The following SLC13A5 variants were observed in gnomAD, a reference collection of about 807,000 sequenced individuals.
SLC13A5 encodes the protein Na(+)/citrate cotransporter.
SLC13A5 carries 25 observed loss-of-function variants against 56.5 expected under a neutral mutation model. The observed-to-expected ratio is 0.44, with a 90% confidence interval of 0.32 to 0.62. SLC13A5 has a LOEUF of 0.62. Among genes scored for constraint, SLC13A5 ranks in the 20% least tolerant of loss-of-function variants. The probability of loss-of-function intolerance (pLI) is 0.04; values close to 1 mark genes in which losing one functional copy is unlikely to be tolerated. For synonymous variants in SLC13A5, 307 were observed against 301.5 expected (o/e 1.02, Z -0.19); for missense variants, 649 against 737.8 (o/e 0.88, Z 1.39).
rs894084232 is a variant in SLC13A5 at position 6,694,116 on chromosome 17, G to A, written c.1137C>T (p.Phe379=). The A allele has an allele frequency of 1.9e-6, 3 of 1,613,344 alleles. No individual in the cohort carries two copies. Among genetic ancestry groups the A allele is most frequent in the South Asian group, 1.1e-5 (1 of 90,940 alleles). Reference sequence around the variant, plus strand: ...ACTTACCTTCCTCAGTCTGGCTGCGGAAGTTAAACTTGGGCTTCTGTGAAG... The same window carrying A: ...ACTTACCTTCCTCAGTCTGGCTGCGAAAGTTAAACTTGGGCTTCTGTGAAG... The part of the protein sequence containing the change: ...IVPSQKPKFN[F]RSQTEEERKT... Residue 379 remains phenylalanine (F), a synonymous_variant, in exon 8 of 12, where the codon TTC becomes TTT. Coordinates refer to ENST00000433363, the MANE Select transcript of SLC13A5 (RefSeq NM_177550.5).
rs370078806 is a variant in SLC13A5, at chr17:6,692,231, AGATGGATGGATG to A, written c.1275+801_1275+812del. ...TAGATAGATGGGTGGATGGATGGAC[AGATGGATGGATG>A]GATGGATGGATGGATGGATGGATGG... is the stretch of plus-strand genomic sequence containing the variant. On this transcript the variant is annotated intron_variant, in intron 9 of 11. Coordinates refer to ENST00000433363, the MANE Select transcript of SLC13A5 (RefSeq NM_177550.5). The surrounding 1 kb of genome is among the most constrained non-coding windows in gnomAD (Gnocchi z 5.5). Among the ~76,000 whole-genome samples, 165 of 143,918 alleles carry A rather than the reference AGATGGATGGATG, an allele frequency of 1.1e-3. No individual in the cohort carries two copies. The highest frequency in any genetic ancestry group is 3.7e-3 in the African/African-American group (138 of 37,808). The allele number at this position is 143,918 out of a possible 152,430, so 94.4% of individuals were successfully genotyped here.
chr17:6,695,842 G>T lies in SLC13A5; in HGVS notation c.939C>A (p.Ser313=). 5.0e-6 allele frequency: 8 copies of T among 1,614,138 alleles called. No homozygotes were observed. The highest frequency in any genetic ancestry group is 5.9e-6 in the Non-Finnish European group (7 of 1,180,028). ...AGATCAGCACGTTGATCTCCGCGAA[G>T]GACAAGGGCCCCAGCTTCCGGTACT... ...QEEYRKLGPL[S]FAEINVLICF... The change falls in exon 7 of 12, where the codon TCC becomes TCA. Residue 313 remains serine (S), a synonymous_variant. Coordinates refer to ENST00000433363, the MANE Select transcript of SLC13A5 (RefSeq NM_177550.5).
At chr17:6,698,655 C>T (rs1421409610) in intron 6 of SLC13A5, among the ~76,000 whole-genome samples, 3 of 152,258 alleles carry the variant, frequency 2.0e-5, no homozygotes, top group African/African-American at 4.8e-5. Flanking sequence ...GACCACATCA[C>T]CTCTCCATGC....
chr17:6,694,357 A>G (rs1320252983), intron 7 of SLC13A5, among the ~76,000 whole-genome samples, 160 bp from the exon 8 acceptor site: 3 of 152,180 alleles, frequency 2.0e-5, no homozygotes, highest in Non-Finnish European at 4.4e-5. Context: ...AGTGGCTCAC[A>G]CTTGTAATCC....
intron 3 of SLC13A5, 120 bp downstream of exon 3, chr17:6,706,522 T>C: frequency 7.2e-7 from 1 of 1,398,310 alleles, no homozygotes; most frequent in South Asian, 1.4e-5. Flanking sequence ...CCCAGCCAAG[T>C]CCAGGTAAGC....
chr17:6,710,159 G>C (rs907758496), intron 1 of SLC13A5, among the ~76,000 whole-genome samples: 1 of 152,242 alleles, frequency 6.6e-6, no homozygotes, highest in Non-Finnish European at 1.5e-5. Context: ...AACTTCCTTG[G>C]GGCTTGGTGT....
chr17:6,696,535 A>C (rs553213742), intron 6 of SLC13A5, among the ~76,000 whole-genome samples: 1 of 152,106 alleles, frequency 6.6e-6, no homozygotes, highest in South Asian at 2.1e-4. Flanking sequence ...CCCATCCTGG[A>C]TGGGCCCCCT....
Position 6,712,607 on chromosome 17 carries a change from AG to A in SLC13A5, c.102+624del, listed in dbSNP as rs551489314. Among the ~76,000 whole-genome samples the A allele has an allele frequency of 8.5e-5, 13 of 152,350 alleles. No individual in the cohort carries two copies. The South Asian group carries it at 2.7e-3, about 32-fold the overall frequency. The stretch of plus-strand genomic sequence containing the variant: ...AGCAGGCCAACCCCAACCTGCCTGC[AG>A]CCTGGAGCAGGATTATGAATCAGAT... On this transcript the variant is annotated intron_variant, in intron 1 of 11. Transcript: ENST00000433363.
intron 6 of SLC13A5, among the ~76,000 whole-genome samples, chr17:6,699,713 C>T (rs1251156852): frequency 2.7e-5 from 4 of 148,834 alleles, no homozygotes; most frequent in Non-Finnish European, 4.5e-5. Flanking sequence ...TCAGGCGATC[C>T]GCCCTCCTTG....
In SLC13A5 at chr17:6,707,168, G is replaced by A; in HGVS notation, c.103-12C>T. 1.2e-6 allele frequency: 2 copies of A among 1,613,472 alleles called. No individual in the cohort carries two copies. The highest frequency in any genetic ancestry group is 2.2e-5 in the East Asian group (1 of 44,870). On this transcript the variant is annotated splice_polypyrimidine_tract_variant and intron_variant, in intron 1 of 11. Transcript: ENST00000433363. ...GCACACCTGACAAACTGAAGAGACAGTCCTGAGGCCTCAGCGTGTTGCCGC... is the reference window on the plus strand; with the variant it reads ...GCACACCTGACAAACTGAAGAGACAATCCTGAGGCCTCAGCGTGTTGCCGC...
At chr17:6,693,197 A>ACACACACACACACACC in intron 8 of SLC13A5, 35 bp from the exon 9 acceptor site, 1 of 861,394 alleles carries the variant, frequency 1.2e-6, no homozygotes, top group Non-Finnish European at 1.8e-6. Context: ...ACACACACAC[A>ACACACACACACACACC]CACACACACA....
chr17:6,700,717 TG>T, intron 6 of SLC13A5, among the ~76,000 whole-genome samples: 1 of 151,832 alleles, frequency 6.6e-6, no homozygotes, highest in South Asian at 2.1e-4. Context: ...AGAGATGGAA[TG>T]GGGGTGGGGA....
intron 6 of SLC13A5, among the ~76,000 whole-genome samples, chr17:6,697,898 G>A (rs887188452): frequency 4.6e-5 from 7 of 152,206 alleles, no homozygotes; most frequent in South Asian, 2.1e-4. Flanking sequence ...ACTTAACCTC[G>A]TTCTCCAGGA....
Position 6,713,131 on chromosome 17 carries a change from C to G in SLC13A5, c.102+101G>C, listed in dbSNP as rs114362714. On this transcript the variant is annotated intron_variant, in intron 1 of 11. Transcript: ENST00000433363. The surrounding 1 kb of genome is among the most constrained non-coding windows in gnomAD (Gnocchi z 7.3). ...CGCGCCCCGGGAGAGCTGTGCTCCC[C>G]GCGAAATCCGTGCGCTCCAGCTCAG... The G allele has an allele frequency of 9.8e-3, 11,960 of 1,224,390 alleles. 700 individuals are homozygous for G. In the African/African-American group the frequency reaches 0.13, roughly 14 times the overall value. The allele number at this position is 1,224,390 out of a possible 1,614,324, so 75.8% of individuals were successfully genotyped here. A position where few individuals can be genotyped will look rare whatever the true frequency, so the allele number is the denominator to read the frequency against.
At chr17:6,700,922 A>G in intron 6 of SLC13A5, 82 bp downstream of exon 6, 2 of 1,587,982 alleles carry the variant, frequency 1.3e-6, no homozygotes, top group Non-Finnish European at 1.7e-6. Flanking sequence ...GACTTTGTAA[A>G]CCTGCCTATT....
At chr17:6,693,209 A>G in intron 8 of SLC13A5, 47 bp from the exon 9 acceptor site, 1 of 968,150 alleles carries the variant, frequency 1.0e-6, no homozygotes, top group Non-Finnish European at 1.5e-6. Context: ...ACACACACAC[A>G]CACACACACA....
At chr17:6,691,412 C>T (rs1973403247) in intron 9 of SLC13A5, among the ~76,000 whole-genome samples, 1 of 152,174 alleles carries the variant, frequency 6.6e-6, no homozygotes, top group Non-Finnish European at 1.5e-5. Context: ...TCCTCCTCTT[C>T]AGTGCTCCAC....
intron 7 of SLC13A5, among the ~76,000 whole-genome samples, chr17:6,695,246 T>C (rs1021318222): frequency 2.0e-5 from 3 of 152,128 alleles, no homozygotes; most frequent in Non-Finnish European, 1.5e-5. Context: ...AAATGAGTCA[T>C]GAAACCAACA....
At position 6,697,421 on chromosome 17, in the gene SLC13A5, G is replaced by A. The variant is rs192198070; in HGVS notation, c.840-1480C>T. On this transcript the variant is annotated intron_variant, in intron 6 of 11. Coordinates refer to ENST00000433363, the MANE Select transcript of SLC13A5 (RefSeq NM_177550.5). Reference sequence around the variant, plus strand: ...AATGCCAGTGCCCCACAGTGGTACCGCCAAGCCTTCAGAGTCTCTCGTGCT... The same window carrying A: ...AATGCCAGTGCCCCACAGTGGTACCACCAAGCCTTCAGAGTCTCTCGTGCT... Among the ~76,000 whole-genome samples the A allele has an allele frequency of 2.0e-4, 31 of 152,320 alleles. No individual in the cohort carries two copies. The East Asian group carries it at 4.6e-3, about 23-fold the overall frequency.
Sources: gnomAD v4.1 joint callset for allele counts (sites outside exome capture counted in the v4.1 genomes callset) on GRCh38, gnomAD v4.1.1 for gene constraint, Gnocchi (gnomAD v3.1) non-coding constraint, MANE v1.5 for transcripts, NCBI Gene and HGNC (gene_info 2026-07-23, HGNC 2026-07-21) for gene names.